IL1RAPL2: variants seen among roughly 807,000 people sequenced by gnomAD.
IL1RAPL2 encodes interleukin 1 receptor accessory protein like 2, also known as X-linked interleukin-1 receptor accessory protein-like 2.
IL1RAPL2 carries 3 observed loss-of-function variants against 44.1 expected under a neutral mutation model. That is an observed-to-expected ratio of 0.07 (90% CI 0.03 to 0.18). IL1RAPL2 has a LOEUF of 0.18. Among genes scored for constraint, IL1RAPL2 ranks in the 10% least tolerant of loss-of-function variants. The pLI is 1.00. For missense variants in IL1RAPL2, 391 were observed against 496.4 expected (o/e 0.79, Z 2.02); for synonymous variants, 181 against 178.8 (o/e 1.01, Z -0.10).
At chrX:105,137,354 T>C (rs1401076123) in intron 2 of IL1RAPL2, among the ~76,000 whole-genome samples, 1 of 112,452 alleles carries the variant, frequency 8.9e-6, no homozygotes, top group Non-Finnish European at 1.9e-5. Flanking sequence ...ATTTCTACCA[T>C]CACAGAAATT....
chrX:105,693,231 T>A (rs919544702), intron 6 of IL1RAPL2, among the ~76,000 whole-genome samples: 3 of 112,060 alleles, frequency 2.7e-5, no homozygotes, highest in African/African-American at 6.5e-5. Context: ...AAGATAAGGA[T>A]CTTGATATGA....
At chrX:105,498,489 A>G (rs2036370862) in intron 6 of IL1RAPL2, among the ~76,000 whole-genome samples, 2 of 111,588 alleles carry the variant, frequency 1.8e-5, no homozygotes, top group Admixed American at 1.9e-4. Flanking sequence ...CAGATTCAAG[A>G]CAATCCCTAT....
chrX:104,664,590 A>C (rs966505225), intron 2 of IL1RAPL2, among the ~76,000 whole-genome samples: 7 of 110,712 alleles, frequency 6.3e-5, no homozygotes, highest in African/African-American at 1.3e-4. Context: ...ACTGTGGGAG[A>C]GTTAGTCTAG....
intron 2 of IL1RAPL2, among the ~76,000 whole-genome samples, chrX:105,126,688 A>C (rs773527042): frequency 5.2e-4 from 58 of 111,450 alleles, no homozygotes; most frequent in Non-Finnish European, 8.2e-4. Flanking sequence ...ATCAAGGTGA[A>C]TTAATACGCC....
chrX:105,437,041 A>ATATG (rs1445625548), intron 5 of IL1RAPL2, among the ~76,000 whole-genome samples: 3 of 106,172 alleles, frequency 2.8e-5, no homozygotes, highest in East Asian at 5.8e-4. Context: ...ATATATATAT[A>ATATG]TATATATACC....
chrX:105,111,756 T>C (rs1426993604), intron 2 of IL1RAPL2, among the ~76,000 whole-genome samples: 3 of 111,776 alleles, frequency 2.7e-5, no homozygotes, highest in African/African-American at 9.8e-5. Context: ...TAATTAACTT[T>C]AAAAGTTTCC....
intron 5 of IL1RAPL2, among the ~76,000 whole-genome samples, chrX:105,364,066 A>G (rs1412611128): frequency 9.0e-6 from 1 of 111,361 alleles, no homozygotes; most frequent in African/African-American, 3.3e-5. Context: ...CTTACGTTTA[A>G]GTCTTTTATC....
rs1193175473 is a variant in IL1RAPL2, at chrX:105,703,309, T to C, written c.773-14058T>C. Among the ~76,000 whole-genome samples, 4 of 110,985 alleles carry C rather than the reference T, an allele frequency of 3.6e-5. No homozygotes were observed. The East Asian group carries it at 8.6e-4, about 24-fold the overall frequency. Reference sequence around the variant, plus strand: ...CCCTCTGGGGCACAACTTCACCCTATTGAGAACCATTTAAATTGGTAGATT... The same window carrying C: ...CCCTCTGGGGCACAACTTCACCCTACTGAGAACCATTTAAATTGGTAGATT... On this transcript the variant is annotated intron_variant, in intron 6 of 10. Coordinates refer to ENST00000372582, the MANE Select transcript of IL1RAPL2 (RefSeq NM_017416.2).
At chrX:104,956,128 G>A (rs1463279697) in intron 2 of IL1RAPL2, among the ~76,000 whole-genome samples, 1 of 111,914 alleles carries the variant, frequency 8.9e-6, no homozygotes, top group Non-Finnish European at 1.9e-5. Context: ...CTTCTGTTGT[G>A]GCCCAGCTAA....
At chrX:105,190,357 G>A (rs1556136415) in intron 2 of IL1RAPL2, among the ~76,000 whole-genome samples, 1 of 112,352 alleles carries the variant, frequency 8.9e-6, no homozygotes, top group African/African-American at 3.2e-5. Context: ...GCAACCAGCA[G>A]TTGGTCAATG....
chrX:104,734,030 G>C (rs1463089083), intron 2 of IL1RAPL2, among the ~76,000 whole-genome samples: 10 of 111,882 alleles, frequency 8.9e-5, no homozygotes, highest in African/African-American at 3.2e-4. Context: ...AATAAATAAA[G>C]TACATGAAAA....
intron 2 of IL1RAPL2, among the ~76,000 whole-genome samples, chrX:105,158,235 T>G (rs1287446715): frequency 3.6e-5 from 4 of 111,100 alleles, no homozygotes; most frequent in African/African-American, 1.3e-4. Context: ...CGGGCGCCTG[T>G]AGTCCCAGCT....
chrX:105,044,178 G>A (rs1341211819), intron 2 of IL1RAPL2, among the ~76,000 whole-genome samples: 1 of 111,070 alleles, frequency 9.0e-6, no homozygotes, highest in Non-Finnish European at 1.9e-5. Context: ...GATTCAGTGG[G>A]ATAAGTGGAA....
intron 5 of IL1RAPL2, among the ~76,000 whole-genome samples, chrX:105,334,753 G>C (rs1182414091): frequency 2.7e-5 from 3 of 110,038 alleles, no homozygotes; most frequent in African/African-American, 9.9e-5. Context: ...ATTGAATTGG[G>C]AGCTTTGTAT....
rs370697077 is a variant in IL1RAPL2, at chrX:104,943,179, G to T, written c.83-252296G>T. 9.0e-5 allele frequency among the ~76,000 whole-genome samples: 10 copies of T among 110,827 alleles called. No individual in the cohort carries two copies. In the South Asian group the frequency reaches 1.6e-3, roughly 17 times the overall value. On this transcript the variant is annotated intron_variant, in intron 2 of 10. Coordinates refer to ENST00000372582, the MANE Select transcript of IL1RAPL2 (RefSeq NM_017416.2). ...CTTTTTTTAATTGTGTCTCTGCCAG[G>T]CTTTGGTAACAGGATGATGCTGGCC...
intron 1 of IL1RAPL2, among the ~76,000 whole-genome samples, chrX:104,605,134 C>A (rs929731298): frequency 2.7e-5 from 3 of 112,002 alleles, no homozygotes; most frequent in Admixed American, 1.9e-4. Flanking sequence ...GACCACAGTG[C>A]AATCAAATTA....
intron 10 of IL1RAPL2, among the ~76,000 whole-genome samples, chrX:105,763,572 G>C (rs1020906642): frequency 3.6e-5 from 4 of 110,234 alleles, no homozygotes; most frequent in Non-Finnish European, 7.6e-5. Context: ...TAAAAAGAAA[G>C]AGCGAGAAAG....
chrX:105,537,704 T>C (rs917205002), intron 6 of IL1RAPL2, among the ~76,000 whole-genome samples: 1 of 111,564 alleles, frequency 9.0e-6, no homozygotes, highest in African/African-American at 3.3e-5. Context: ...ATGGAGATAA[T>C]AGCATTTACC....
intron 2 of IL1RAPL2, among the ~76,000 whole-genome samples, chrX:104,744,875 T>A (rs1932149106): frequency 1.8e-5 from 2 of 110,451 alleles, no homozygotes; most frequent in South Asian, 7.7e-4. Context: ...TGTAAATCAG[T>A]GTATATATGT....
Sources: gnomAD v4.1 joint callset for allele counts (sites outside exome capture counted in the v4.1 genomes callset) on GRCh38, gnomAD v4.1.1 for gene constraint, MANE v1.5 for transcripts, NCBI Gene and HGNC (gene_info 2026-07-23, HGNC 2026-07-21) for gene names.